The following CRACD variants were observed in gnomAD, a reference collection of about 807,000 sequenced individuals.
CRACD encodes the protein capping protein-inhibiting regulator of actin dynamics.
CRACD carries 56 observed loss-of-function variants against 106.8 expected under a neutral mutation model. That is an observed-to-expected ratio of 0.52 (90% CI 0.42 to 0.66). The LOEUF is 0.66. Ranked by LOEUF, CRACD falls within the 30% of genes least tolerant of loss-of-function variation. CRACD has a pLI of 0.00. For synonymous variants in CRACD, 754 were observed against 670.8 expected (o/e 1.12, Z -1.92); for missense variants, 1,730 against 1,623.2 (o/e 1.07, Z -1.13).
intron 2 of CRACD, among the ~76,000 whole-genome samples, chr4:56,203,897 C>T (rs533755098): frequency 6.6e-6 from 1 of 152,330 alleles, no homozygotes; most frequent in East Asian, 1.9e-4. Flanking sequence ...TGCCTCCATA[C>T]AAGGCCACTG....
rs1577925812 is a variant in CRACD at position 56,328,256 on chromosome 4, G to T, written c.*452G>T. 1 of 509,618 alleles carries T rather than the reference G, an allele frequency of 2.0e-6. No homozygotes were observed. Among genetic ancestry groups the T allele is most frequent in the East Asian group, 5.5e-5 (1 of 18,266 alleles). The allele number at this position is 509,618 out of a possible 1,614,324, so 31.6% of individuals were successfully genotyped here. On this transcript the variant is annotated 3_prime_UTR_variant, in exon 11 of 11. Coordinates refer to ENST00000682029, the MANE Select transcript of CRACD (RefSeq NM_001393381.1). The stretch of plus-strand genomic sequence containing the variant: ...GAATGTTTATCCTTTCTACAGTAAT[G>T]GTGAAAGGATCATATCTAGCTAAAA...
intron 1 of CRACD, among the ~76,000 whole-genome samples, chr4:56,093,366 T>G (rs545810616): frequency 6.6e-6 from 1 of 152,308 alleles, no homozygotes; most frequent in East Asian, 1.9e-4. Flanking sequence ...GAGAAATCAT[T>G]GTGCAGGTTC....
chr4:56,325,537 G>C (rs1746387864), intron 10 of CRACD, among the ~76,000 whole-genome samples: 2 of 152,140 alleles, frequency 1.3e-5, no homozygotes, highest in African/African-American at 4.8e-5. Flanking sequence ...ACAGAGTAAA[G>C]TTTCTCAGCA....
intron 1 of CRACD, among the ~76,000 whole-genome samples, chr4:56,127,221 C>T (rs1389718194): frequency 6.6e-6 from 1 of 152,184 alleles, no homozygotes; most frequent in Non-Finnish European, 1.5e-5. Flanking sequence ...GTGCCTTGAT[C>T]TTGGACTTCC....
intron 1 of CRACD, among the ~76,000 whole-genome samples, chr4:56,153,060 C>T (rs1322246186): frequency 6.6e-6 from 1 of 152,080 alleles, no homozygotes; most frequent in African/African-American, 2.4e-5. Context: ...GGGCGGATCA[C>T]CTAAGGTCAG....
chr4:56,267,732 A>G (rs1164459019), intron 2 of CRACD, among the ~76,000 whole-genome samples: 1 of 152,176 alleles, frequency 6.6e-6, no homozygotes, highest in Non-Finnish European at 1.5e-5. Context: ...TTCCCATGTC[A>G]TTATAAGTGC....
In CRACD at chr4:56,315,399, C is replaced by G. The variant is rs765516988; in HGVS notation, c.1897C>G (p.Pro633Ala). ...GGAGGAGAAGAAGCACGCGGAAGCC[C>G]CAGCTGGGGAGAACCCTCCCCGAGG... ...GLEEKKHAEA[P>A]AGENPPRGPG... The change falls in exon 8 of 11, where the codon CCA becomes GCA. Residue 633 changes from proline (P) to alanine (A), a missense_variant. By Grantham distance (27) the Pro-to-Ala change is conservative (BLOSUM62 -1). Transcript: ENST00000682029. This position sits in a 1 kb window ranked among gnomAD's most constrained non-coding sequence, Gnocchi z 4.1. 6.2e-7 allele frequency: 1 copy of G among 1,613,006 alleles called. No individual in the cohort carries two copies. The highest frequency in any genetic ancestry group is 8.5e-7 in the Non-Finnish European group (1 of 1,179,738).
intron 5 of CRACD, among the ~76,000 whole-genome samples, chr4:56,309,735 TCCC>T (rs1745002049): frequency 6.6e-6 from 1 of 152,082 alleles, no homozygotes; most frequent in Non-Finnish European, 1.5e-5. Context: ...ATGCCTGTAA[TCCC>T]AGCTACTCGG....
intron 1 of CRACD, among the ~76,000 whole-genome samples, chr4:56,145,472 A>ATC (rs1251680458): frequency 6.6e-6 from 1 of 152,144 alleles, no homozygotes; most frequent in East Asian, 1.9e-4. Flanking sequence ...CCCATAGACC[A>ATC]TCTGTTAATA....
intron 1 of CRACD, among the ~76,000 whole-genome samples, chr4:56,095,710 C>T (rs1020596580): frequency 9.9e-5 from 15 of 152,050 alleles, no homozygotes; most frequent in African/African-American, 2.7e-4. Context: ...CTAGCTTTTG[C>T]GTCAGAGAGA....
intron 2 of CRACD, among the ~76,000 whole-genome samples, chr4:56,181,709 G>T (rs773635311): frequency 5.3e-5 from 8 of 152,146 alleles, no homozygotes; most frequent in Non-Finnish European, 8.8e-5. Flanking sequence ...GCAATCCTCG[G>T]CGTTCCTGGG....
intron 2 of CRACD, among the ~76,000 whole-genome samples, chr4:56,235,098 A>G (rs1577779317): frequency 6.6e-6 from 1 of 152,234 alleles, no homozygotes; most frequent in African/African-American, 2.4e-5. Flanking sequence ...TGGATTTTAA[A>G]AGAAATAAAA....
At chr4:56,238,925 T>C (rs958349282) in intron 2 of CRACD, among the ~76,000 whole-genome samples, 2 of 152,228 alleles carry the variant, frequency 1.3e-5, no homozygotes, top group African/African-American at 4.8e-5. Flanking sequence ...TCAAAATCCC[T>C]CCTTTCACTG....
Position 56,316,317 on chromosome 4 carries a change from G to T in CRACD, c.2815G>T (p.Ala939Ser), listed in dbSNP as rs1745646775. Residue 939 changes from alanine to serine, a missense_variant, in exon 8 of 11, where the codon GCC becomes TCC. Ala to Ser is a moderately conservative substitution (Grantham distance 99, BLOSUM62 1). Coordinates refer to ENST00000682029, the MANE Select transcript of CRACD (RefSeq NM_001393381.1). ...VPVAHPGPPPASSQTPAPEHD... is the reference protein window; with the variant it reads ...VPVAHPGPPPSSSQTPAPEHD... ...TGTGGCCCACCCTGGGCCTCCACCG[G>T]CCAGCAGCCAGACCCCGGCTCCGGA... The T allele has an allele frequency of 6.2e-7, 1 of 1,613,994 alleles. No homozygotes were observed. Among genetic ancestry groups the T allele is most frequent in the Admixed American group, 1.7e-5 (1 of 60,024 alleles).
intron 3 of CRACD, among the ~76,000 whole-genome samples, chr4:56,297,012 C>T (rs752697252): frequency 4.6e-5 from 7 of 151,930 alleles, no homozygotes; most frequent in Non-Finnish European, 8.8e-5. Context: ...CCCCGCCTCC[C>T]GGGTTCAAGC....
At chr4:56,282,379 G>A (rs1743086238) in intron 3 of CRACD, among the ~76,000 whole-genome samples, 1 of 152,156 alleles carries the variant, frequency 6.6e-6, no homozygotes, top group Non-Finnish European at 1.5e-5. Flanking sequence ...TTTTTTGGAT[G>A]GGAAGAATTT....
chr4:56,309,853 C>CAA (rs201229387), intron 5 of CRACD, among the ~76,000 whole-genome samples: 14 of 150,232 alleles, frequency 9.3e-5, no homozygotes, highest in African/African-American at 3.4e-4. Context: ...GACTTTGTCT[C>CAA]AAAAAAAATA....
At chr4:56,079,991 A>C (rs1732969248) in intron 1 of CRACD, among the ~76,000 whole-genome samples, 1 of 152,154 alleles carries the variant, frequency 6.6e-6, no homozygotes, top group South Asian at 2.1e-4. Context: ...AATGGCTTAC[A>C]ATTAGTGTTA....
intron 2 of CRACD, among the ~76,000 whole-genome samples, chr4:56,234,234 G>A (rs1739821526): frequency 6.6e-6 from 1 of 152,108 alleles, no homozygotes; most frequent in Admixed American, 6.6e-5. Flanking sequence ...CTGATACTCA[G>A]TAGCAATCAC....
Sources: allele counts gnomAD v4.1 joint callset (sites outside exome capture counted in the v4.1 genomes callset), GRCh38; gene constraint gnomAD v4.1.1; non-coding constraint Gnocchi (gnomAD v3.1); transcripts MANE v1.5; gene names NCBI Gene and HGNC (gene_info 2026-07-23, HGNC 2026-07-21).